NELL1: variants seen among roughly 807,000 people sequenced by gnomAD.
NELL1 encodes neural EGFL like 1, also known as protein kinase C-binding protein NELL1.
NELL1 carries 76 observed loss-of-function variants against 107.4 expected under a neutral mutation model. That is an observed-to-expected ratio of 0.71 (90% CI 0.59 to 0.86). The LOEUF (loss-of-function observed/expected upper bound fraction) is 0.86. Among genes scored for constraint, NELL1 ranks in the 40% least tolerant of loss-of-function variants. The pLI is 0.00. For missense variants in NELL1, 1,024 were observed against 1,005.5 expected, an observed-to-expected ratio of 1.02 and a Z score of -0.25; for synonymous variants, 353 against 341.2, an observed-to-expected ratio of 1.03 and a Z score of -0.38.
intron 5 of NELL1, among the ~76,000 whole-genome samples, chr11:20,914,942 A>G (rs867248910): frequency 6.6e-6 from 1 of 152,004 alleles, no homozygotes; most frequent in Admixed American, 6.6e-5. Flanking sequence ...CCCTAAATTA[A>G]AAACTATTGC....
At chr11:20,978,989 T>C (rs1225486643) in intron 12 of NELL1, among the ~76,000 whole-genome samples, 1 of 152,114 alleles carries the variant, frequency 6.6e-6, no homozygotes, top group Non-Finnish European at 1.5e-5. Context: ...AATGAGTGGA[T>C]AGGATTTTGC....
chr11:21,439,598 T>G (rs1455787281), intron 15 of NELL1, among the ~76,000 whole-genome samples: 1 of 152,166 alleles, frequency 6.6e-6, no homozygotes, highest in Non-Finnish European at 1.5e-5. Context: ...AATTCATGAC[T>G]TCAGAGCCTA....
chr11:20,728,417 T>C (rs1383100720), intron 2 of NELL1, among the ~76,000 whole-genome samples: 1 of 152,182 alleles, frequency 6.6e-6, no homozygotes, highest in East Asian at 1.9e-4. Flanking sequence ...TTCCTAGGCT[T>C]TCTTCCATGA....
rs115412418 is a variant in NELL1 at position 21,370,878 on chromosome 11, C to T, written c.1575C>T (p.Tyr525=). 500 of 1,611,732 alleles carry T rather than the reference C, an allele frequency of 3.1e-4. 1 individual carries two copies. In the African/African-American group the frequency reaches 5.5e-3, roughly 18 times the overall value. The change falls in exon 15 of 20, where the codon TAC becomes TAT. Residue 525 remains tyrosine, a synonymous_variant. Transcript: ENST00000357134. ...CRAFCEEGCR[Y]GGTCVAPNKC... ...CTTTCTGTGAAGAGGGCTGCAGATA[C>T]GGTGGAACGTGTGTGGCTCCCAACA...
chr11:20,915,700 G>GATATATATATATATATATAT (rs369114547), intron 5 of NELL1, among the ~76,000 whole-genome samples: 2,489 of 29,166 alleles, frequency 0.085, 516 homozygotes, highest in Non-Finnish European at 0.14. Context: ...CCTCATAGAT[G>GATATATATATATATATATAT]ATATATATAT....
chr11:20,715,981 G>T (rs1361289983), intron 2 of NELL1, among the ~76,000 whole-genome samples: 1 of 152,068 alleles, frequency 6.6e-6, no homozygotes. Context: ...TACATATTGG[G>T]GCTAAATTAT....
At chr11:20,960,756 T>C (rs923009640) in intron 12 of NELL1, among the ~76,000 whole-genome samples, 196 bp downstream of exon 12, 1 of 152,188 alleles carries the variant, frequency 6.6e-6, no homozygotes, top group African/African-American at 2.4e-5. Context: ...AGCAAGACCT[T>C]TGAAGGTCGT....
chr11:21,243,878 A>G (rs1858425321), intron 14 of NELL1, among the ~76,000 whole-genome samples: 1 of 152,118 alleles, frequency 6.6e-6, no homozygotes, highest in Non-Finnish European at 1.5e-5. Flanking sequence ...TGCACCCTTA[A>G]GCACACAAAG....
At chr11:21,305,811 C>A (rs1272101481) in intron 14 of NELL1, among the ~76,000 whole-genome samples, 1 of 151,964 alleles carries the variant, frequency 6.6e-6, no homozygotes, top group Non-Finnish European at 1.5e-5. Context: ...TGAACAATTA[C>A]AAAACTATAT....
chr11:20,710,784 C>G (rs1377935762), intron 2 of NELL1, among the ~76,000 whole-genome samples: 1 of 151,672 alleles, frequency 6.6e-6, no homozygotes, highest in African/African-American at 2.4e-5. Context: ...TTTTATCCAT[C>G]TCCTCTAGAT....
At chr11:20,743,816 T>G (rs1855944050) in intron 2 of NELL1, among the ~76,000 whole-genome samples, 1 of 152,174 alleles carries the variant, frequency 6.6e-6, no homozygotes, top group African/African-American at 2.4e-5. Flanking sequence ...ACCACTTCCC[T>G]GAAAGGCAGA....
chr11:20,775,278 A>T (rs1856727764), intron 2 of NELL1, among the ~76,000 whole-genome samples: 1 of 152,152 alleles, frequency 6.6e-6, no homozygotes, highest in South Asian at 2.1e-4. Flanking sequence ...ACTTGGTATG[A>T]TGCTGTATGT....
At chr11:21,031,946 G>A (rs755543908) in intron 12 of NELL1, among the ~76,000 whole-genome samples, 1 of 151,854 alleles carries the variant, frequency 6.6e-6, no homozygotes, top group Non-Finnish European at 1.5e-5. Flanking sequence ...TTAAGAGGCT[G>A]AGGTGAGAGA....
chr11:21,007,414 G>C lies in NELL1; in HGVS notation c.1300+46854G>C, dbSNP rs909644082. Reference sequence around the variant, plus strand: ...ACACACACACACACACACACACACAGACAGACACGCACATCAGGCATGCAG... The same window carrying C: ...ACACACACACACACACACACACACACACAGACACGCACATCAGGCATGCAG... On this transcript the variant is annotated intron_variant, in intron 12 of 19. Coordinates refer to ENST00000357134, the MANE Select transcript of NELL1 (RefSeq NM_006157.5). Among the ~76,000 whole-genome samples the C allele has an allele frequency of 2.9e-4, 43 of 150,432 alleles. No homozygotes were observed. In the Middle Eastern group the frequency reaches 0.01, roughly 36 times the overall value.
chr11:21,362,194 T>C (rs1851091621), intron 14 of NELL1, among the ~76,000 whole-genome samples: 1 of 152,210 alleles, frequency 6.6e-6, no homozygotes, highest in African/African-American at 2.4e-5. Context: ...GATCCCCTGA[T>C]ATAATGCTCT....
intron 4 of NELL1, among the ~76,000 whole-genome samples, chr11:20,866,098 A>G (rs1849089868): frequency 6.6e-6 from 1 of 152,204 alleles, no homozygotes; most frequent in African/African-American, 2.4e-5. Flanking sequence ...TACAAATGTT[A>G]TGTAAACTGT....
At chr11:21,188,834 A>G (rs1856988966) in intron 13 of NELL1, among the ~76,000 whole-genome samples, 1 of 151,816 alleles carries the variant, frequency 6.6e-6, no homozygotes, top group South Asian at 2.1e-4. Flanking sequence ...TTTCCTTTTA[A>G]TAATATTCAC....
At chr11:21,323,237 T>TA (rs573168188) in intron 14 of NELL1, among the ~76,000 whole-genome samples, 184 of 152,326 alleles carry the variant, frequency 1.2e-3, no homozygotes, top group Admixed American at 3.9e-3. Context: ...CTGAAAGCTC[T>TA]AAACACTAGG....
intron 2 of NELL1, among the ~76,000 whole-genome samples, chr11:20,705,992 C>T (rs1220272296): frequency 2.6e-5 from 4 of 152,160 alleles, no homozygotes; most frequent in East Asian, 3.9e-4. Flanking sequence ...GTTAGAATGG[C>T]GATTATTAAA....
Sources: gnomAD v4.1 joint callset for allele counts (sites outside exome capture counted in the v4.1 genomes callset) on GRCh38, gnomAD v4.1.1 for gene constraint, MANE v1.5 for transcripts, NCBI Gene and HGNC (gene_info 2026-07-23, HGNC 2026-07-21) for gene names.